ERCC6L2: variants seen among roughly 807,000 people sequenced by gnomAD.
ERCC6L2 encodes DNA excision repair protein ERCC-6-like 2.
In ERCC6L2, 77 loss-of-function variants were observed where a neutral mutation model predicts 132.0. The ratio of observed to expected loss-of-function variants is 0.58; its 90% CI spans 0.49 to 0.71. The LOEUF (loss-of-function observed/expected upper bound fraction) is 0.71, where lower values mean the gene tolerates loss of function less well. Among genes scored for constraint, ERCC6L2 ranks in the 30% least tolerant of loss-of-function variants. The pLI, the probability that ERCC6L2 is intolerant of heterozygous loss-of-function variation, is 0.00. For missense variants in ERCC6L2, 1,542 were observed against 1,837.6 expected, an observed-to-expected ratio of 0.84 and a Z score of 2.94; for synonymous variants, 583 against 632.4, an observed-to-expected ratio of 0.92 and a Z score of 1.17.
chr9:96,007,629 C>G (rs1300415950), intron 18 of ERCC6L2, among the ~76,000 whole-genome samples: 3 of 152,138 alleles, frequency 2.0e-5, no homozygotes, highest in Non-Finnish European at 2.9e-5. Flanking sequence ...CCTTGCCTTG[C>G]AAGGGCCGCA....
chr9:95,916,158 T>G, intron 5 of ERCC6L2, 69 bp from the exon 6 acceptor site: 1 of 1,383,672 alleles, frequency 7.2e-7, no homozygotes, highest in South Asian at 1.2e-5. Context: ...GTAGTATATC[T>G]CTTAGAAGCA....
intron 2 of ERCC6L2, among the ~76,000 whole-genome samples, chr9:95,891,297 G>A (rs1028428522): frequency 6.6e-6 from 1 of 152,032 alleles, no homozygotes; most frequent in African/African-American, 2.4e-5. Context: ...CTTTTTTCTA[G>A]AATAAAAATA....
intron 9 of ERCC6L2, among the ~76,000 whole-genome samples, chr9:95,927,744 G>A (rs80059974): frequency 1.3e-5 from 2 of 152,220 alleles, no homozygotes; most frequent in South Asian, 4.1e-4. Flanking sequence ...TTAGCATATT[G>A]TAGGTATAAA....
At chr9:95,945,563 A>G (rs1032967029) in intron 12 of ERCC6L2, among the ~76,000 whole-genome samples, 8 of 152,188 alleles carry the variant, frequency 5.3e-5, no homozygotes, top group African/African-American at 1.9e-4. Flanking sequence ...TGTCCATGAA[A>G]TCTTCACAAT....
intron 16 of ERCC6L2, among the ~76,000 whole-genome samples, chr9:95,975,281 A>G (rs1467762187): frequency 6.6e-6 from 1 of 152,084 alleles, no homozygotes; most frequent in Non-Finnish European, 1.5e-5. Context: ...TCTGAATCTT[A>G]CTGTCTAGTA....
intron 19 of ERCC6L2, among the ~76,000 whole-genome samples, chr9:96,032,577 G>A (rs1050707501): frequency 1.3e-5 from 2 of 152,164 alleles, no homozygotes; most frequent in African/African-American, 2.4e-5. Context: ...TTTGGTGGGT[G>A]TCCTCCAGGA....
intron 19 of ERCC6L2, among the ~76,000 whole-genome samples, chr9:96,035,362 C>T (rs1002683118): frequency 2.0e-5 from 3 of 152,198 alleles, no homozygotes; most frequent in African/African-American, 4.8e-5. Context: ...TGCCCATGGA[C>T]CAACTGGCAG....
chr9:95,937,784 CTG>C lies in ERCC6L2; in HGVS notation c.1752-3668_1752-3667del, dbSNP rs552146333. 1.3e-4 allele frequency among the ~76,000 whole-genome samples: 20 copies of C among 151,488 alleles called. No individual in the cohort carries two copies. The South Asian group carries it at 2.1e-3, about 16-fold the overall frequency. ...TCAGCTTTTTTTCACTGATTTTTCT[CTG>C]TTATTTTTCTGTGTTCAGTTTTATT... On this transcript the variant is annotated intron_variant, in intron 11 of 18. Transcript: ENST00000653738.
intron 12 of ERCC6L2, among the ~76,000 whole-genome samples, chr9:95,952,265 G>A (rs553172191): frequency 6.7e-6 from 1 of 149,338 alleles, no homozygotes; most frequent in South Asian, 2.1e-4. Flanking sequence ...TATAAAGCCA[G>A]CATTACCCCA....
At chr9:95,953,707 CAAAGT>C (rs1457241412) in intron 12 of ERCC6L2, among the ~76,000 whole-genome samples, 9 of 150,136 alleles carry the variant, frequency 6.0e-5, no homozygotes, top group Middle Eastern at 3.4e-3. Flanking sequence ...AGAAAAGGAA[CAAAGT>C]AAAGAAAATA....
chr9:95,975,875 T>C (rs1832648025), intron 16 of ERCC6L2, among the ~76,000 whole-genome samples: 1 of 152,152 alleles, frequency 6.6e-6, no homozygotes, highest in Admixed American at 6.5e-5. Context: ...TTTTTGAAAT[T>C]TAAAAAAAAA....
At chr9:95,950,266 T>G (rs1403931098) in intron 12 of ERCC6L2, among the ~76,000 whole-genome samples, 1 of 152,172 alleles carries the variant, frequency 6.6e-6, no homozygotes, top group African/African-American at 2.4e-5. Context: ...TAAAATCAAT[T>G]GATTTAAGGT....
chr9:95,970,901 G>C (rs1400187775), intron 15 of ERCC6L2, among the ~76,000 whole-genome samples: 1 of 151,990 alleles, frequency 6.6e-6, no homozygotes, highest in Non-Finnish European at 1.5e-5. Context: ...ACACCAAACT[G>C]TAAATCCAGT....
At chr9:95,883,610 C>G (rs930493341) in intron 2 of ERCC6L2, among the ~76,000 whole-genome samples, 1 of 152,206 alleles carries the variant, frequency 6.6e-6, no homozygotes, top group Non-Finnish European at 1.5e-5. Flanking sequence ...CCTGTAATCC[C>G]AGCACTTTGG....
At chr9:95,920,041 T>C (rs1277949599) in intron 6 of ERCC6L2, among the ~76,000 whole-genome samples, 1 of 152,244 alleles carries the variant, frequency 6.6e-6, no homozygotes, top group East Asian at 1.9e-4. Context: ...TTTTATGACA[T>C]GGACCCTTCT....
At chr9:95,936,445 G>A (rs116323286) in intron 11 of ERCC6L2, among the ~76,000 whole-genome samples, 2,717 of 152,188 alleles carry the variant, frequency 0.018, 85 homozygotes, top group African/African-American at 0.061. Flanking sequence ...AAGCATATGC[G>A]GTAGCACCCT....
intron 13 of ERCC6L2, among the ~76,000 whole-genome samples, chr9:95,957,219 T>C (rs1223686498): frequency 6.6e-6 from 1 of 152,194 alleles, no homozygotes; most frequent in African/African-American, 2.4e-5. Context: ...TCATAAATAT[T>C]ACATTTGAAT....
chr9:96,036,043 T>G (rs1834515552), intron 19 of ERCC6L2, among the ~76,000 whole-genome samples: 1 of 152,220 alleles, frequency 6.6e-6, no homozygotes, highest in African/African-American at 2.4e-5. Flanking sequence ...CTTCAAAAAT[T>G]TTTGTTTTAA....
In ERCC6L2 at chr9:95,972,562, A is replaced by AC; in HGVS notation, c.2811_2812insC (p.Lys938GlnfsTer5). ...AGGATTCTGAAACAGAACACACTGT[A>AC]AAAACAAGAAATAATGATAATAGTC... On this transcript the variant is annotated frameshift_variant, in exon 16 of 19. Transcript: ENST00000653738. LOFTEE classifies it high-confidence loss of function. 1 of 1,289,618 alleles carries AC rather than the reference A, an allele frequency of 7.8e-7. No individual in the cohort carries two copies. The highest frequency in any genetic ancestry group is 1.0e-6 in the Non-Finnish European group (1 of 988,792). The allele number at this position is 1,289,618 out of a possible 1,614,324, so 79.9% of individuals were successfully genotyped here.
Sources: gnomAD v4.1 joint callset for allele counts (sites outside exome capture counted in the v4.1 genomes callset) on GRCh38, gnomAD v4.1.1 for gene constraint, MANE v1.5 for transcripts, NCBI Gene and HGNC (gene_info 2026-07-23, HGNC 2026-07-21) for gene names.